The following P2RX4 variants were observed in gnomAD, a reference collection of about 807,000 sequenced individuals.
The protein encoded by P2RX4 is P2X purinoceptor 4.
A neutral mutation model predicts 48.0 loss-of-function variants in P2RX4; 37 were observed. That is an observed-to-expected ratio of 0.77 (90% CI 0.59 to 1.01). The LOEUF (loss-of-function observed/expected upper bound fraction) is 1.01, where lower values mean the gene tolerates loss of function less well. P2RX4 is among the 50% of genes least tolerant of loss of function. The pLI is 0.00. For missense variants in P2RX4, 501 were observed against 521.4 expected (o/e 0.96, Z 0.38); for synonymous variants, 200 against 199.7 (o/e 1.00, Z -0.01).
intron 1 of P2RX4, chr12:121,214,365 A>G (rs528638307): frequency 2.0e-5 from 3 of 152,118 alleles, no homozygotes; most frequent in Admixed American, 1.3e-4. Context: ...GACCTGCATT[A>G]AGGCTCTTTT....
At chr12:121,222,887 A>C (rs908231380) in intron 4 of P2RX4, 60 bp from the exon 5 acceptor site, 143 of 1,456,878 alleles carry the variant, frequency 9.8e-5, no homozygotes, top group Middle Eastern at 1.7e-4. Context: ...TACTCCAAAA[A>C]GGTAGAAAAT....
chr12:121,210,337 C>T (rs1885740362), intron 1 of P2RX4, 39 bp downstream of exon 1: 2 of 1,464,430 alleles, frequency 1.4e-6, no homozygotes, highest in East Asian at 5.9e-5. Context: ...GCGGGTGCTG[C>T]CCTCGCGTCC....
chr12:121,232,758 G>C lies in P2RX4; in HGVS notation c.1044+82G>C. 8.5e-7 allele frequency: 1 copy of C among 1,180,636 alleles called. No homozygotes were observed. Among genetic ancestry groups the C allele is most frequent in the Non-Finnish European group, 1.3e-6 (1 of 790,672 alleles). 73.1% of individuals were successfully genotyped at this position (1,180,636 alleles called of 1,614,324 possible). A position where few individuals can be genotyped will look rare whatever the true frequency, so the allele number is the denominator to read the frequency against. Reference sequence around the variant, plus strand: ...GTCCTGGTCCTGGCCCTAGGCCCTAGACCTCAGATGTGTTTCTAAACTTGA... The same window carrying C: ...GTCCTGGTCCTGGCCCTAGGCCCTACACCTCAGATGTGTTTCTAAACTTGA... On this transcript the variant is annotated intron_variant, in intron 10 of 11. Coordinates refer to ENST00000337233, the MANE Select transcript of P2RX4 (RefSeq NM_002560.3). The surrounding 1 kb of genome is among the most constrained non-coding windows in gnomAD (Gnocchi z 4.3).
chr12:121,225,272 C>T (rs887837286), intron 5 of P2RX4, among the ~76,000 whole-genome samples: 49 of 152,036 alleles, frequency 3.2e-4, no homozygotes, highest in African/African-American at 1.1e-3. Context: ...GCAGGTTTCA[C>T]CATGTTGGCC....
At chr12:121,222,235 A>T (rs1420549468) in intron 4 of P2RX4, 69 bp downstream of exon 4, 12 of 1,094,202 alleles carry the variant, frequency 1.1e-5, no homozygotes, top group South Asian at 1.0e-4. Flanking sequence ...AGCGTCTCTG[A>T]TAGAGAAATC....
intron 2 of P2RX4, among the ~76,000 whole-genome samples, chr12:121,219,615 G>GGATAGATA (rs60447163): frequency 5.1e-4 from 72 of 140,632 alleles, no homozygotes; most frequent in African/African-American, 1.3e-3. Flanking sequence ...ATGGATGGAT[G>GGATAGATA]GATAGATAGA....
rs751127482 is a variant in P2RX4, at chr12:121,233,109, C to T, written c.1140+17C>T. On this transcript the variant is annotated intron_variant, in intron 11 of 11. Transcript: ENST00000337233. ...TACGAGCAGGTAGGCCCCTCCTGGC[C>T]CCCAGCAGGCACAGGCCTCTCATCT... 9.7e-6 allele frequency: 15 copies of T among 1,544,574 alleles called. No homozygotes were observed. The African/African-American group carries it at 1.1e-4, about 11-fold the overall frequency.
Position 121,232,941 on chromosome 12 carries a change from G to T in P2RX4, c.1045-56G>T. 1 of 1,206,570 alleles carries T rather than the reference G, an allele frequency of 8.3e-7. No individual in the cohort carries two copies. The allele number at this position is 1,206,570 out of a possible 1,614,324, so 74.7% of individuals were successfully genotyped here. A position where few individuals can be genotyped will look rare whatever the true frequency, so the allele number is the denominator to read the frequency against. On this transcript the variant is annotated intron_variant, in intron 10 of 11. Coordinates refer to ENST00000337233, the MANE Select transcript of P2RX4 (RefSeq NM_002560.3). This position sits in a 1 kb window ranked among gnomAD's most constrained non-coding sequence, Gnocchi z 4.3. Reference sequence around the variant, plus strand: ...TCAGGAAGGGGCACGCAAAGAATAAGATGGGTTGATGGGTTGCAAGCATCC... The same window carrying T: ...TCAGGAAGGGGCACGCAAAGAATAATATGGGTTGATGGGTTGCAAGCATCC...
chr12:121,212,801 T>C (rs1168532309), intron 1 of P2RX4: 2 of 40,736 alleles, frequency 4.9e-5, no homozygotes, highest in African/African-American at 1.1e-4. Flanking sequence ...AATATATATA[T>C]ATATATATAT....
Position 121,222,990 on chromosome 12 carries a change from G to C in P2RX4, c.471G>C (p.Lys157Asn). The C allele has an allele frequency of 6.2e-7, 1 of 1,613,948 alleles. No homozygotes were observed. Among genetic ancestry groups the C allele is most frequent in the African/African-American group, 1.3e-5 (1 of 75,048 alleles). The change falls in exon 5 of 12, where the codon AAG becomes AAC. Residue 157 changes from lysine to asparagine, a missense_variant. Lys to Asn is a moderately conservative substitution (Grantham distance 94). This residue lies in a region of P2RX4 where 295 missense variants were observed against 275.3 expected (regional missense o/e 1.07). Coordinates refer to ENST00000337233, the MANE Select transcript of P2RX4 (RefSeq NM_002560.3). ...GCGTAGCTTTCAACGGGTCTGTCAA[G>C]ACGTGTGAGGTGGCGGCCTGGTGCC... is the stretch of plus-strand genomic sequence containing the variant. ...GRCVAFNGSV[K>N]TCEVAAWCPV...
At chr12:121,223,077 T>A (rs775119033) in intron 5 of P2RX4, 34 bp downstream of exon 5, 2 of 1,326,792 alleles carry the variant, frequency 1.5e-6, no homozygotes, top group Non-Finnish European at 1.1e-6. Context: ...AGTGCCTTTT[T>A]GTTTTGTTTT....
chr12:121,220,635 CAAAT>C (rs549991183), intron 2 of P2RX4, among the ~76,000 whole-genome samples: 8 of 151,794 alleles, frequency 5.3e-5, no homozygotes, highest in African/African-American at 1.9e-4. Flanking sequence ...GGCTCTGTCT[CAAAT>C]AAATAAATAA....
chr12:121,210,327 G>A, intron 1 of P2RX4, 29 bp downstream of exon 1: 3 of 1,489,026 alleles, frequency 2.0e-6, no homozygotes, highest in Non-Finnish European at 2.7e-6. Flanking sequence ...GGGGGGCGCG[G>A]CGGGTGCTGC....
Position 121,210,193 on chromosome 12 carries a change from C to T in P2RX4, c.29C>T (p.Ala10Val), listed in dbSNP as rs746147664. ...GCGGGCTGCTGCGCCGCGCTGGCGG[C>T]CTTCCTGTTCGAGTACGACACGCCG... is the stretch of plus-strand genomic sequence containing the variant. Reference protein sequence around the residue: MAGCCAALAAFLFEYDTPRI... With the variant: MAGCCAALAVFLFEYDTPRI... The change falls in exon 1 of 12, where the codon GCC becomes GTC. Residue 10 changes from alanine to valine, a missense_variant. This residue lies in a region of P2RX4 where 295 missense variants were observed against 275.3 expected (regional missense o/e 1.07). Transcript: ENST00000337233. The T allele has an allele frequency of 1.9e-6, 3 of 1,541,104 alleles. No individual in the cohort carries two copies. The highest frequency in any genetic ancestry group is 1.7e-6 in the Non-Finnish European group (2 of 1,150,426).
chr12:121,216,750 G>C, intron 1 of P2RX4: 1 of 506,184 alleles, frequency 2.0e-6, no homozygotes, highest in Non-Finnish European at 3.6e-6. Flanking sequence ...AACCCGGGAG[G>C]CGGAGGTTGC....
chr12:121,226,932 G>T (rs548336936), intron 5 of P2RX4, among the ~76,000 whole-genome samples: 9 of 152,028 alleles, frequency 5.9e-5, no homozygotes, highest in Admixed American at 3.9e-4. Context: ...GACCAACATG[G>T]TGAAACCCCA....
chr12:121,226,314 C>T (rs145961554), intron 5 of P2RX4, among the ~76,000 whole-genome samples: 7,200 of 151,480 alleles, frequency 0.048, 373 homozygotes, highest in African/African-American at 0.13. Flanking sequence ...GAGGCAGAGA[C>T]GGGTGGATCA....
At chr12:121,219,595 GGATGGATGGATGGATGGATGGATAGATA>G (rs1219384718) in intron 2 of P2RX4, among the ~76,000 whole-genome samples, 1 of 105,678 alleles carries the variant, frequency 9.5e-6, no homozygotes, top group African/African-American at 3.4e-5. Flanking sequence ...ATGGATGGAT[GGATGGATGGATGGATGGATGGATAGATA>G]GATAGATAGA....
At chr12:121,212,332 C>A (rs1171428387) in intron 1 of P2RX4, among the ~76,000 whole-genome samples, 1 of 152,094 alleles carries the variant, frequency 6.6e-6, no homozygotes, top group African/African-American at 2.4e-5. Flanking sequence ...AGTCCCAGTG[C>A]TTTGGGAAGC....
Sources: gnomAD v4.1 joint callset for allele counts (sites outside exome capture counted in the v4.1 genomes callset) on GRCh38, gnomAD v4.1.1 for gene constraint, gnomAD v4.1.1 regional missense constraint, Gnocchi (gnomAD v3.1) non-coding constraint, MANE v1.5 for transcripts, NCBI Gene and HGNC (gene_info 2026-07-23, HGNC 2026-07-21) for gene names.